The following NTM variants were observed in gnomAD, a reference collection of about 807,000 sequenced individuals.
The protein encoded by NTM is neurotrimin, also known as IgLON family member 2.
A neutral mutation model predicts 42.1 loss-of-function variants in NTM; 13 were observed. The ratio of observed to expected loss-of-function variants is 0.31; its 90% CI spans 0.20 to 0.49. The LOEUF is 0.49. Ranked by LOEUF, NTM falls within the 20% of genes least tolerant of loss-of-function variation. The pLI is 0.99. For synonymous variants in NTM, 187 were observed against 179.2 expected (o/e 1.04, Z -0.35); for missense variants, 373 against 452.8 (o/e 0.82, Z 1.60).
At chr11:132,313,594 A>G (rs565735036) in intron 6 of NTM, among the ~76,000 whole-genome samples, 1 of 152,354 alleles carries the variant, frequency 6.6e-6, no homozygotes, top group African/African-American at 2.4e-5. Flanking sequence ...AGAAATGGAC[A>G]TTTCGGAATC....
chr11:131,958,630 A>G (rs1339122085), intron 2 of NTM, among the ~76,000 whole-genome samples: 1 of 152,194 alleles, frequency 6.6e-6, no homozygotes, highest in East Asian at 1.9e-4. Flanking sequence ...CTTGAAGAAG[A>G]TAAGTTACAT....
chr11:131,931,844 G>T (rs964449335), intron 2 of NTM, among the ~76,000 whole-genome samples: 1 of 152,150 alleles, frequency 6.6e-6, no homozygotes, highest in Non-Finnish European at 1.5e-5. Context: ...GGGCCAGGGC[G>T]GCTGTGCCAT....
At chr11:131,474,862 G>A (rs1213676948) in intron 1 of NTM, among the ~76,000 whole-genome samples, 12 of 152,108 alleles carry the variant, frequency 7.9e-5, no homozygotes. Flanking sequence ...AAAATGTGGA[G>A]CGGGCCATAT....
At chr11:132,044,054 GTGTA>G (rs1301739925) in intron 2 of NTM, among the ~76,000 whole-genome samples, 7 of 141,236 alleles carry the variant, frequency 5.0e-5, no homozygotes, top group Non-Finnish European at 1.1e-4. Context: ...ATGGGTATGT[GTGTA>G]TGTGTGTGTA....
chr11:131,939,113 G>A (rs902140282), intron 2 of NTM, among the ~76,000 whole-genome samples: 1 of 152,180 alleles, frequency 6.6e-6, no homozygotes, highest in Non-Finnish European at 1.5e-5. Flanking sequence ...AAATCACCAA[G>A]ATAAGGAGAA....
intron 1 of NTM, among the ~76,000 whole-genome samples, chr11:131,723,586 A>G (rs2078619282): frequency 1.3e-5 from 2 of 151,148 alleles, no homozygotes; most frequent in Admixed American, 1.3e-4. Context: ...ATTTATTTCT[A>G]TGCAAAGGAT....
intron 1 of NTM, among the ~76,000 whole-genome samples, chr11:131,501,021 C>A (rs111435052): frequency 0.011 from 1,721 of 151,876 alleles, 36 homozygotes; most frequent in African/African-American, 0.039. Context: ...AGTGGTGGAG[C>A]TAGAAGTCAA....
intron 2 of NTM, among the ~76,000 whole-genome samples, chr11:132,094,302 G>A (rs928105400): frequency 2.6e-5 from 4 of 152,156 alleles, no homozygotes; most frequent in Non-Finnish European, 4.4e-5. Flanking sequence ...AGATAAGTTG[G>A]CAAGCTGGAT....
intron 2 of NTM, among the ~76,000 whole-genome samples, chr11:131,930,432 C>T (rs988921379): frequency 1.3e-5 from 2 of 152,218 alleles, no homozygotes; most frequent in African/African-American, 4.8e-5. Flanking sequence ...AATGCTTCCT[C>T]GAGGAGCACA....
chr11:131,852,238 C>A (rs2045636730), intron 1 of NTM, among the ~76,000 whole-genome samples: 1 of 152,118 alleles, frequency 6.6e-6, no homozygotes, highest in Admixed American at 6.5e-5. Context: ...GGAGGACAGA[C>A]AGATGATCTA....
At chr11:131,463,260 G>A (rs943926060) in intron 1 of NTM, among the ~76,000 whole-genome samples, 4 of 152,214 alleles carry the variant, frequency 2.6e-5, no homozygotes, top group Non-Finnish European at 4.4e-5. Context: ...TCCTGGTGCT[G>A]CCTTAAACGA....
At chr11:131,597,272 T>C (rs1200064194) in intron 1 of NTM, among the ~76,000 whole-genome samples, 3 of 152,168 alleles carry the variant, frequency 2.0e-5, no homozygotes, top group Non-Finnish European at 4.4e-5. Flanking sequence ...TCAAGCTGTC[T>C]GTGGCACTTG....
intron 2 of NTM, among the ~76,000 whole-genome samples, chr11:132,108,022 C>G (rs1179655647): frequency 6.6e-6 from 1 of 152,192 alleles, no homozygotes; most frequent in East Asian, 1.9e-4. Context: ...TTGTTTTACT[C>G]AAACCTTGTT....
At chr11:132,218,541 A>G (rs908197702) in intron 4 of NTM, among the ~76,000 whole-genome samples, 1 of 152,130 alleles carries the variant, frequency 6.6e-6, no homozygotes, top group African/African-American at 2.4e-5. Context: ...TCTTTTTGCT[A>G]TTTGTCAGGG....
intron 2 of NTM, among the ~76,000 whole-genome samples, chr11:132,079,148 A>G (rs1233395941): frequency 6.6e-6 from 1 of 152,172 alleles, no homozygotes; most frequent in East Asian, 1.9e-4. Context: ...TCTCTAGCCC[A>G]TCCTCCCACC....
At chr11:132,222,412 A>C (rs924443099) in intron 4 of NTM, among the ~76,000 whole-genome samples, 3 of 152,188 alleles carry the variant, frequency 2.0e-5, no homozygotes, top group African/African-American at 7.2e-5. Context: ...ACAGCTTTAG[A>C]CATGAAAAGA....
intron 1 of NTM, among the ~76,000 whole-genome samples, chr11:131,652,201 C>A (rs544726496): frequency 6.6e-6 from 1 of 152,284 alleles, no homozygotes; most frequent in Non-Finnish European, 1.5e-5. Context: ...CTGTGAGGAT[C>A]AAAGAGCCTA....
chr11:132,143,467 G>A (rs1459143478), intron 2 of NTM, among the ~76,000 whole-genome samples: 2 of 152,172 alleles, frequency 1.3e-5, no homozygotes, highest in Admixed American at 6.5e-5. Flanking sequence ...ACAAAAACTG[G>A]CATGAATCCT....
At chr11:132,197,440 G>C (rs1327658192) in intron 3 of NTM, among the ~76,000 whole-genome samples, 1 of 151,718 alleles carries the variant, frequency 6.6e-6, no homozygotes, top group African/African-American at 2.4e-5. Flanking sequence ...ATTACCATTT[G>C]TCATAACCAC....
Sources: allele counts gnomAD v4.1 joint callset (sites outside exome capture counted in the v4.1 genomes callset), GRCh38; gene constraint gnomAD v4.1.1; transcripts MANE v1.5; gene names NCBI Gene and HGNC (gene_info 2026-07-23, HGNC 2026-07-21).